The following ASPHD1 variants were observed in gnomAD, a reference collection of about 807,000 sequenced individuals.
The protein encoded by ASPHD1 is aspartate beta-hydroxylase domain-containing protein 1.
In ASPHD1, 20 loss-of-function variants were observed where a neutral mutation model predicts 28.3. That is an observed-to-expected ratio of 0.71 (90% confidence interval 0.50 to 1.03). ASPHD1 has a LOEUF of 1.03. ASPHD1 is among the 50% of genes least tolerant of loss of function. The pLI, the probability that ASPHD1 is intolerant of heterozygous loss-of-function variation, is 0.00. For synonymous variants in ASPHD1, 240 were observed against 221.2 expected (o/e 1.08, Z -0.75); for missense variants, 479 against 524.1 (o/e 0.91, Z 0.84).
At chr16:29,910,384 G>A (rs575211836), downstream of ASPHD1, among the ~76,000 whole-genome samples, 4 of 151,672 alleles carry the variant, frequency 2.6e-5, no homozygotes, top group East Asian at 5.8e-4. Flanking sequence ...GTGACACAAC[G>A]AGACTCCATC....
chr16:29,919,554 C>G (rs2068870760), exon 4 of ASPHD1: 1 of 152,112 alleles, frequency 6.6e-6, no homozygotes, highest in Non-Finnish European at 1.5e-5. Context: ...ACGTGAAGAT[C>G]TAGACTGGAC....
downstream of ASPHD1, among the ~76,000 whole-genome samples, chr16:29,907,329 C>T (rs907606082): frequency 7.2e-5 from 11 of 152,330 alleles, no homozygotes; most frequent in African/African-American, 2.6e-4. Flanking sequence ...CCTTCATCTC[C>T]TTCCCTGCCT....
chr16:29,912,398 TG>T (rs2068730411), intron 3 of ASPHD1: 1 of 389,082 alleles, frequency 2.6e-6, no homozygotes, highest in African/African-American at 2.2e-5. Flanking sequence ...CCAGCCCCCC[TG>T]GCTAAAACAG....
chr16:29,917,610 T>A (rs1019460712), intron 3 of ASPHD1, among the ~76,000 whole-genome samples: 2 of 151,994 alleles, frequency 1.3e-5, no homozygotes, highest in Admixed American at 6.5e-5. Context: ...TGAAACCCCA[T>A]CTCTGCTAAA....
At chr16:29,907,990 AAAG>A (rs1405825812), downstream of ASPHD1, among the ~76,000 whole-genome samples, 1 of 151,834 alleles carries the variant, frequency 6.6e-6, no homozygotes, top group African/African-American at 2.4e-5. Flanking sequence ...AAAAAAAAAA[AAAG>A]AGAGAGAGAG....
At chr16:29,910,317 G>A (rs1344769493), downstream of ASPHD1, among the ~76,000 whole-genome samples, 1 of 152,028 alleles carries the variant, frequency 6.6e-6, no homozygotes, top group Non-Finnish European at 1.5e-5. Flanking sequence ...AGAATCGCTT[G>A]AACCTGGGAG....
downstream of ASPHD1, among the ~76,000 whole-genome samples, chr16:29,908,299 G>A (rs1445439440): frequency 1.3e-5 from 2 of 152,194 alleles, no homozygotes. Context: ...GGATGAAGTC[G>A]AAGAGGTGAC....
At chr16:29,915,595 T>C (rs1440508166) in intron 3 of ASPHD1, among the ~76,000 whole-genome samples, 1 of 148,552 alleles carries the variant, frequency 6.7e-6, no homozygotes, top group Admixed American at 6.8e-5. Context: ...GAGGTTGCAG[T>C]GAGCTATCTC....
chr16:29,911,804 C>T (rs2068716806), intron 3 of ASPHD1: 1 of 1,612,310 alleles, frequency 6.2e-7, no homozygotes, highest in Non-Finnish European at 8.5e-7. Flanking sequence ...GCCCCGCACC[C>T]CGGCGGTCAC....
chr16:29,913,415 T>C (rs1364941480), intron 3 of ASPHD1: 1 of 152,196 alleles, frequency 6.6e-6, no homozygotes, highest in African/African-American at 2.4e-5. Flanking sequence ...GAATTGGTAT[T>C]TTTAAAAAGA....
At chr16:29,906,754 G>T, downstream of ASPHD1, 1 of 798,594 alleles carries the variant, frequency 1.3e-6, no homozygotes, top group Non-Finnish European at 2.1e-6. Context: ...ATGCAATGAA[G>T]GGACAGAGGA....
At chr16:29,905,529 G>C (rs944024286) in intron 2 of ASPHD1, among the ~76,000 whole-genome samples, 1 of 150,182 alleles carries the variant, frequency 6.7e-6, no homozygotes, top group Non-Finnish European at 1.5e-5. Context: ...TAGGGAGACT[G>C]AGGCAGGAGA....
chr16:29,911,272 GC>G, intron 3 of ASPHD1: 2 of 939,900 alleles, frequency 2.1e-6, no homozygotes, highest in Non-Finnish European at 3.2e-6. Flanking sequence ...CTCTGCTCCT[GC>G]CCAGGGCTTT....
downstream of ASPHD1, among the ~76,000 whole-genome samples, chr16:29,909,835 C>T (rs977904562): frequency 1.3e-5 from 2 of 151,220 alleles, no homozygotes; most frequent in Non-Finnish European, 1.5e-5. Context: ...TTTGGGAGGC[C>T]GAGGAGGGCA....
At chr16:29,910,397 A>T (rs1178576126), downstream of ASPHD1, among the ~76,000 whole-genome samples, 1 of 151,250 alleles carries the variant, frequency 6.6e-6, no homozygotes, top group East Asian at 1.9e-4. Flanking sequence ...ACTCCATCTC[A>T]AATAATAATA....
At chr16:29,906,756 G>A, downstream of ASPHD1, 1 of 814,482 alleles carries the variant, frequency 1.2e-6, no homozygotes, top group Non-Finnish European at 2.0e-6. Context: ...GCAATGAAGG[G>A]ACAGAGGAGG....
downstream of ASPHD1, among the ~76,000 whole-genome samples, chr16:29,909,747 G>A (rs540929386): frequency 6.6e-6 from 1 of 151,196 alleles, no homozygotes; most frequent in South Asian, 2.1e-4. Context: ...GGAGTGCAGT[G>A]GCATGATCAT....
chr16:29,901,207 C>G lies in ASPHD1; in HGVS notation c.236C>G (p.Ala79Gly). The G allele has an allele frequency of 1.2e-6, 2 of 1,613,806 alleles. No homozygotes were observed. Among genetic ancestry groups the G allele is most frequent in the Non-Finnish European group, 1.7e-6 (2 of 1,179,914 alleles). The change falls in exon 1 of 3, where the codon GCC becomes GGC. Residue 79 changes from alanine to glycine, a missense_variant. Physicochemically the swap from Ala to Gly is moderately conservative, Grantham distance 60 (BLOSUM62 0). Transcript: ENST00000308748. The surrounding 1 kb of genome is among the most constrained non-coding windows in gnomAD (Gnocchi z 5.1). ...LPWPLPLASS[A>G]LTLLFGALTS... ...TGGCCACTACCCCTGGCCTCCTCGG[C>G]CCTCACCTTGCTCTTCGGGGCCCTC... is the stretch of plus-strand genomic sequence containing the variant.
intron 3 of ASPHD1, chr16:29,912,033 A>G: frequency 6.2e-7 from 1 of 1,608,392 alleles, no homozygotes; most frequent in Non-Finnish European, 8.5e-7. Context: ...CAGCGGGGAC[A>G]GCGTCTCCCT....
Sources: allele counts gnomAD v4.1 joint callset (sites outside exome capture counted in the v4.1 genomes callset), GRCh38; gene constraint gnomAD v4.1.1; non-coding constraint Gnocchi (gnomAD v3.1); transcripts MANE v1.5; gene names NCBI Gene and HGNC (gene_info 2026-07-23, HGNC 2026-07-21).